Variants in RIMS1 observed in about 807,000 individuals in gnomAD.
The protein encoded by RIMS1 is regulating synaptic membrane exocytosis protein 1.
In RIMS1, 83 loss-of-function variants were observed where a neutral mutation model predicts 214.1. The observed-to-expected ratio is 0.39, with a 90% CI of 0.32 to 0.47. The LOEUF is 0.47. Among genes scored for constraint, RIMS1 ranks in the 20% least tolerant of loss-of-function variants. RIMS1 has a pLI of 0.99. For missense variants in RIMS1, 2,050 were observed against 2,161.8 expected (o/e 0.95, Z 1.03); for synonymous variants, 793 against 786.8 (o/e 1.01, Z -0.13).
chr6:71,994,873 CGG>C (rs1562057426), intron 2 of RIMS1, among the ~76,000 whole-genome samples: 1 of 152,162 alleles, frequency 6.6e-6, no homozygotes, highest in East Asian at 1.9e-4. Flanking sequence ...AAGGGAAGGG[CGG>C]GTATACTGCC....
At chr6:71,959,909 A>G (rs1041265033) in intron 1 of RIMS1, among the ~76,000 whole-genome samples, 1 of 152,124 alleles carries the variant, frequency 6.6e-6, no homozygotes, top group Non-Finnish European at 1.5e-5. Flanking sequence ...TAAACTCACA[A>G]AGCACCAGTC....
intron 4 of RIMS1, among the ~76,000 whole-genome samples, chr6:72,102,461 A>G (rs1022668453): frequency 6.6e-6 from 1 of 152,058 alleles, no homozygotes; most frequent in African/African-American, 2.4e-5. Flanking sequence ...AATAATTTTT[A>G]TATCAAAGTA....
intron 2 of RIMS1, 57 bp from the exon 3 acceptor site, chr6:72,096,892 T>A (rs2031927260): frequency 7.2e-7 from 1 of 1,385,936 alleles, no homozygotes; most frequent in African/African-American, 1.4e-5. Context: ...TTTTGTTTGT[T>A]CTTGGTTTTG....
At chr6:72,271,461 A>G (rs951568137) in intron 22 of RIMS1, among the ~76,000 whole-genome samples, 3 of 151,736 alleles carry the variant, frequency 2.0e-5, no homozygotes, top group Admixed American at 2.0e-4. Context: ...GTAATACCTC[A>G]TATTTTTAAT....
chr6:72,338,122 G>A (rs1460671682), intron 29 of RIMS1, among the ~76,000 whole-genome samples: 1 of 151,480 alleles, frequency 6.6e-6, no homozygotes, highest in Non-Finnish European at 1.5e-5. Context: ...GGGATGGCTG[G>A]GTCAAATGGT....
intron 6 of RIMS1, among the ~76,000 whole-genome samples, chr6:72,190,495 GAAAT>G (rs75325647): frequency 0.44 from 63,343 of 143,182 alleles, 16,742 homozygotes; most frequent in Non-Finnish European, 0.59. Flanking sequence ...AAGAAAGAAA[GAAAT>G]AAAGGGGCTG....
chr6:72,279,189 G>A (rs1373881928), intron 23 of RIMS1, among the ~76,000 whole-genome samples: 5 of 151,786 alleles, frequency 3.3e-5, no homozygotes, highest in African/African-American at 7.2e-5. Context: ...ATTAGTTATT[G>A]AAAAGGAAAA....
intron 2 of RIMS1, among the ~76,000 whole-genome samples, chr6:72,071,150 A>G (rs535948461): frequency 6.6e-6 from 1 of 152,164 alleles, no homozygotes; most frequent in South Asian, 2.1e-4. Context: ...TAATCACAGC[A>G]CTTTGGGAGG....
intron 1 of RIMS1, among the ~76,000 whole-genome samples, chr6:71,907,408 TAATC>T (rs1327379758): frequency 6.6e-6 from 1 of 152,150 alleles, no homozygotes; most frequent in East Asian, 1.9e-4. Context: ...TTTTCACCCT[TAATC>T]AATGGCATTC....
chr6:72,182,848 A>T lies in RIMS1; in HGVS notation c.1377A>T (p.Ala459=), dbSNP rs1284536793. ...CGCCCAGACATGGGCCGGTTCCCGC[A>T]GAAGCCCCGGAGCTCAAAGCCCAGG... ...PPAPRHGPVP[A]EAPELKAQEP... Residue 459 remains alanine, a synonymous_variant, in exon 6 of 34, where the codon GCA becomes GCT. Transcript: ENST00000521978. The T allele has an allele frequency of 2.6e-6, 4 of 1,555,232 alleles. No homozygotes were observed. The highest frequency in any genetic ancestry group is 3.5e-6 in the Non-Finnish European group (4 of 1,152,028).
chr6:72,004,046 A>C (rs1402865673), intron 2 of RIMS1, among the ~76,000 whole-genome samples: 4 of 108,842 alleles, frequency 3.7e-5, no homozygotes, highest in Non-Finnish European at 6.9e-5. Context: ...CAGTCCCCAG[A>C]GTGTGACATT....
At chr6:72,211,871 G>GC (rs1313977604) in intron 6 of RIMS1, among the ~76,000 whole-genome samples, 1 of 103,894 alleles carries the variant, frequency 9.6e-6, no homozygotes, top group Non-Finnish European at 1.8e-5. Flanking sequence ...TGAAGTAGAA[G>GC]CCTTAGGTTA....
intron 2 of RIMS1, among the ~76,000 whole-genome samples, chr6:71,995,488 T>A (rs1443500721): frequency 7.9e-6 from 1 of 126,100 alleles, no homozygotes; most frequent in Non-Finnish European, 1.7e-5. Context: ...GTGTGTATGT[T>A]TGTGTCTGGG....
At chr6:72,252,291 C>T (rs1033539144) in intron 15 of RIMS1, among the ~76,000 whole-genome samples, 1 of 152,078 alleles carries the variant, frequency 6.6e-6, no homozygotes, top group African/African-American at 2.4e-5. Context: ...AGTATAATGA[C>T]TAATTTGGGG....
intron 29 of RIMS1, among the ~76,000 whole-genome samples, chr6:72,374,046 C>T (rs908811184): frequency 2.0e-5 from 3 of 152,130 alleles, no homozygotes; most frequent in Non-Finnish European, 4.4e-5. Flanking sequence ...TCCCAAGTAG[C>T]TGTGACTACA....
At chr6:72,193,377 C>T (rs1301244810) in intron 6 of RIMS1, among the ~76,000 whole-genome samples, 1 of 152,200 alleles carries the variant, frequency 6.6e-6, no homozygotes, top group Non-Finnish European at 1.5e-5. Context: ...CATAAATGAT[C>T]TCATTCTCAA....
intron 2 of RIMS1, among the ~76,000 whole-genome samples, chr6:72,065,964 A>G (rs563125497): frequency 6.6e-6 from 1 of 151,852 alleles, no homozygotes; most frequent in Non-Finnish European, 1.5e-5. Flanking sequence ...TGGATATTCC[A>G]ACTGAATTTA....
chr6:72,287,352 T>G (rs1393054668), intron 24 of RIMS1, among the ~76,000 whole-genome samples: 2 of 152,278 alleles, frequency 1.3e-5, no homozygotes, highest in East Asian at 3.9e-4. Flanking sequence ...AGAACTACAT[T>G]GTTTTTAGGC....
At chr6:72,196,377 G>GTCTGTCTATCTATCTA (rs1554269277) in intron 6 of RIMS1, among the ~76,000 whole-genome samples, 6 of 143,980 alleles carry the variant, frequency 4.2e-5, no homozygotes, top group African/African-American at 1.6e-4. Flanking sequence ...CTGTCTGTCT[G>GTCTGTCTATCTATCTA]TCTATCTATC....
Sources: allele counts gnomAD v4.1 joint callset (sites outside exome capture counted in the v4.1 genomes callset), GRCh38; gene constraint gnomAD v4.1.1; transcripts MANE v1.5; gene names NCBI Gene and HGNC (gene_info 2026-07-23, HGNC 2026-07-21).